The following ZCCHC14 variants were observed in gnomAD, a reference collection of about 807,000 sequenced individuals.
ZCCHC14 encodes the protein zinc finger CCHC-type containing 14, also known as zinc finger CCHC domain-containing protein 14.
In ZCCHC14, 16 loss-of-function variants were observed where a neutral mutation model predicts 85.0. The ratio of observed to expected loss-of-function variants is 0.19; its 90% CI spans 0.13 to 0.29. The LOEUF is 0.29. Among genes scored for constraint, ZCCHC14 ranks in the 10% least tolerant of loss-of-function variants. The pLI, the probability that ZCCHC14 is intolerant of heterozygous loss-of-function variation, is 1.00. For synonymous variants in ZCCHC14, 775 were observed against 630.7 expected (o/e 1.23, Z -3.43); for missense variants, 1,303 against 1,443.5 (o/e 0.90, Z 1.58).
At chr16:87,479,853 T>C (rs1412951128) in intron 1 of ZCCHC14, among the ~76,000 whole-genome samples, 1 of 152,136 alleles carries the variant, frequency 6.6e-6, no homozygotes, top group Admixed American at 6.5e-5. Flanking sequence ...CTTGTATGAG[T>C]GCAACCCAGG....
intron 1 of ZCCHC14, among the ~76,000 whole-genome samples, chr16:87,475,239 G>T (rs2334196): frequency 0.51 from 77,616 of 151,848 alleles, 21,857 homozygotes; most frequent in East Asian, 0.76. Flanking sequence ...AAGAGAGAAA[G>T]AGAACATTTC....
In ZCCHC14 at chr16:87,412,532, C is replaced by A. The variant is rs961896964; in HGVS notation, c.2189G>T (p.Arg730Leu). Residue 730 changes from arginine (R) to leucine (L), a missense_variant, in exon 12 of 13, where the codon CGG becomes CTG. Around this residue, in one of 7 missense-constraint regions of ZCCHC14, gnomAD observed 797 missense variants for 730.8 expected, o/e 1.09. Transcript: ENST00000671377. The part of the protein sequence containing the change: ...SMSPTVSFGP[R>L]TKVVHASTLD... Reference sequence around the variant, plus strand: ...CGTGGATGCATGCACGACTTTGGTCCGGGGACCAAAGGAGACTGTGGGTGA... The same window carrying A: ...CGTGGATGCATGCACGACTTTGGTCAGGGGACCAAAGGAGACTGTGGGTGA... The A allele has an allele frequency of 6.2e-7, 1 of 1,614,002 alleles. No homozygotes were observed. The highest frequency in any genetic ancestry group is 8.5e-7 in the Non-Finnish European group (1 of 1,180,022).
rs1301490401 is a variant in ZCCHC14 at position 87,466,517 on chromosome 16, T to C, written c.571-6386A>G. On this transcript the variant is annotated intron_variant, in intron 1 of 12. Coordinates refer to ENST00000671377, the MANE Select transcript of ZCCHC14 (RefSeq NM_015144.3). The stretch of plus-strand genomic sequence containing the variant: ...TTCGATGACACCTACTGAGCCCTTC[T>C]AAGAAACATATTTTAAATGCATAAA... 2.0e-5 allele frequency among the ~76,000 whole-genome samples: 3 copies of C among 152,356 alleles called. No individual in the cohort carries two copies. The East Asian group carries it at 5.8e-4, about 29-fold the overall frequency.
At position 87,420,272 on chromosome 16, in the gene ZCCHC14, T is replaced by C. The variant is rs570197021; in HGVS notation, c.950+335A>G. Among the ~76,000 whole-genome samples, 256 of 152,098 alleles carry C rather than the reference T, an allele frequency of 1.7e-3. No individual in the cohort carries two copies. The highest frequency in any genetic ancestry group is 3.3e-3 in the Non-Finnish European group (222 of 68,026). ...GACACGATCGAGGGTCCAGAGAAAC[T>C]GTTTAAGAGACGCCAATTTTATCTG... On this transcript the variant is annotated intron_variant, in intron 5 of 12. Coordinates refer to ENST00000671377, the MANE Select transcript of ZCCHC14 (RefSeq NM_015144.3). The surrounding 1 kb of genome is among the most constrained non-coding windows in gnomAD (Gnocchi z 5.0).
intron 2 of ZCCHC14, among the ~76,000 whole-genome samples, chr16:87,446,753 G>T (rs555481636): frequency 2.6e-5 from 4 of 151,874 alleles, no homozygotes; most frequent in Non-Finnish European, 5.9e-5. Context: ...GCAGTGACGC[G>T]ATCTTGGCTC....
intron 1 of ZCCHC14, among the ~76,000 whole-genome samples, chr16:87,468,463 C>CCA (rs1911630441): frequency 6.9e-6 from 1 of 145,390 alleles, no homozygotes; most frequent in African/African-American, 2.5e-5. Flanking sequence ...ATTACATAGT[C>CCA]AAAAAAAAAA....
At chr16:87,460,737 T>C (rs1359457826) in intron 1 of ZCCHC14, among the ~76,000 whole-genome samples, 1 of 152,128 alleles carries the variant, frequency 6.6e-6, no homozygotes, top group Non-Finnish European at 1.5e-5. Context: ...ATGAATTATA[T>C]ATTTTTATTT....
chr16:87,476,932 C>T (rs1277386689), intron 1 of ZCCHC14, among the ~76,000 whole-genome samples: 2 of 151,834 alleles, frequency 1.3e-5, no homozygotes, highest in Non-Finnish European at 2.9e-5. Context: ...TGAGACCAGC[C>T]TGACCAACAT....
At position 87,491,855 on chromosome 16, in the gene ZCCHC14, C is replaced by G. The variant is rs749297296; in HGVS notation, c.384G>C (p.Thr128=). The G allele has an allele frequency of 3.2e-6, 5 of 1,564,218 alleles. No homozygotes were observed. The highest frequency in any genetic ancestry group is 2.0e-5 in the Admixed American group (1 of 50,234). ...NYGLQLNEGR[T]GDEFLLLFTM... ...TGAACAGCAGCAGGAACTCATCGCC[C>G]GTGCGGCCCTCGTTAAGCTGCAGCC... is the stretch of plus-strand genomic sequence containing the variant. The change falls in exon 1 of 13, where the codon ACG becomes ACC. Residue 128 remains threonine (T), a synonymous_variant. Coordinates refer to ENST00000671377, the MANE Select transcript of ZCCHC14 (RefSeq NM_015144.3). This position sits in a 1 kb window ranked among gnomAD's most constrained non-coding sequence, Gnocchi z 5.9.
At position 87,492,907 on chromosome 16, in the gene ZCCHC14, C is replaced by CGCGGCG. The variant is rs766547110; in HGVS notation, c.-675_-670dup. On this transcript the variant is annotated 5_prime_UTR_variant, in exon 1 of 13. Coordinates refer to ENST00000671377, the MANE Select transcript of ZCCHC14 (RefSeq NM_015144.3). The surrounding 1 kb of genome is among the most constrained non-coding windows in gnomAD (Gnocchi z 6.7). ...CGCGGCGGACGGATCCGGGCCCGAG[C>CGCGGCG]GCGGCGGCGGCGGCGACGGCGACGG... is the stretch of plus-strand genomic sequence containing the variant. Among the ~76,000 whole-genome samples, 199 of 148,082 alleles carry CGCGGCG rather than the reference C, an allele frequency of 1.3e-3. 1 individual carries two copies. The highest frequency in any genetic ancestry group is 2.1e-3 in the Non-Finnish European group (138 of 66,644).
At chr16:87,447,069 G>A (rs981811594) in intron 2 of ZCCHC14, among the ~76,000 whole-genome samples, 6 of 152,120 alleles carry the variant, frequency 3.9e-5, no homozygotes, top group Non-Finnish European at 8.8e-5. Context: ...TACATATAAC[G>A]TCATCTAAGA....
intron 1 of ZCCHC14, among the ~76,000 whole-genome samples, chr16:87,489,811 T>A (rs11117277): frequency 6.6e-6 from 1 of 152,202 alleles, no homozygotes; most frequent in Non-Finnish European, 1.5e-5. Flanking sequence ...CACTGCCCAA[T>A]CAAAATAATA....
intron 1 of ZCCHC14, among the ~76,000 whole-genome samples, chr16:87,481,617 G>T (rs369363570): frequency 6.8e-6 from 1 of 147,084 alleles, no homozygotes; most frequent in Non-Finnish European, 1.5e-5. Context: ...AAGAAAGGGA[G>T]ACCCTGAGGG....
chr16:87,479,468 T>C (rs546659407), intron 1 of ZCCHC14, among the ~76,000 whole-genome samples: 2 of 151,930 alleles, frequency 1.3e-5, no homozygotes, highest in East Asian at 1.9e-4. Flanking sequence ...GGTAATTCTA[T>C]TGATGCTTTT....
intron 2 of ZCCHC14, among the ~76,000 whole-genome samples, chr16:87,436,727 G>GA (rs200632574): frequency 0.017 from 2,542 of 151,264 alleles, 24 homozygotes; most frequent in Middle Eastern, 0.044. Context: ...GAACTTAAAA[G>GA]AAAAAAAGAA....
At chr16:87,443,739 A>G (rs1053974185) in intron 2 of ZCCHC14, among the ~76,000 whole-genome samples, 6 of 151,962 alleles carry the variant, frequency 3.9e-5, no homozygotes, top group African/African-American at 9.7e-5. Flanking sequence ...ACTATCTCAA[A>G]AACAAAAACC....
intron 3 of ZCCHC14, among the ~76,000 whole-genome samples, chr16:87,430,669 C>G (rs1291967455): frequency 6.6e-6 from 1 of 151,924 alleles, no homozygotes; most frequent in African/African-American, 2.4e-5. Context: ...CTACGGGTGC[C>G]CGCCACCGCG....
chr16:87,432,661 G>A (rs533147736), intron 3 of ZCCHC14, among the ~76,000 whole-genome samples: 30 of 152,128 alleles, frequency 2.0e-4, no homozygotes, highest in Non-Finnish European at 3.1e-4. Flanking sequence ...GTGGGTCACC[G>A]GGAAACACAA....
intron 1 of ZCCHC14, among the ~76,000 whole-genome samples, chr16:87,469,805 G>A (rs919362003): frequency 1.3e-5 from 2 of 152,120 alleles, no homozygotes; most frequent in Non-Finnish European, 2.9e-5. Context: ...CTGCACCCCT[G>A]TGGGCAGCAC....
Sources: gnomAD v4.1 joint callset for allele counts (sites outside exome capture counted in the v4.1 genomes callset) on GRCh38, gnomAD v4.1.1 for gene constraint, gnomAD v4.1.1 regional missense constraint, Gnocchi (gnomAD v3.1) non-coding constraint, MANE v1.5 for transcripts, NCBI Gene and HGNC (gene_info 2026-07-23, HGNC 2026-07-21) for gene names.